Variants in CNTNAP2 observed in about 807,000 individuals in gnomAD.
The protein encoded by CNTNAP2 is contactin-associated protein-like 2.
In CNTNAP2, 98 loss-of-function variants were observed where a neutral mutation model predicts 155.2. That is an observed-to-expected ratio of 0.63 (90% CI 0.54 to 0.75). CNTNAP2 has a LOEUF of 0.75. CNTNAP2 is among the 30% of genes least tolerant of loss of function. The pLI is 0.00. For synonymous variants in CNTNAP2, 651 were observed against 631.2 expected (o/e 1.03, Z -0.47); for missense variants, 1,727 against 1,688.1 (o/e 1.02, Z -0.40).
chr7:147,248,409 A>C (rs898504748), intron 8 of CNTNAP2, among the ~76,000 whole-genome samples: 1 of 152,164 alleles, frequency 6.6e-6, no homozygotes, highest in Non-Finnish European at 1.5e-5. Flanking sequence ...TACACTTCGC[A>C]GTCTTGGTTG....
intron 8 of CNTNAP2, among the ~76,000 whole-genome samples, chr7:147,259,723 G>A (rs551248391): frequency 6.6e-6 from 1 of 152,204 alleles, no homozygotes; most frequent in Non-Finnish European, 1.5e-5. Context: ...CTCAAAGGTT[G>A]AGGCTGTTTT....
chr7:146,547,152 C>A (rs1442185829), intron 1 of CNTNAP2, among the ~76,000 whole-genome samples: 4 of 151,878 alleles, frequency 2.6e-5, no homozygotes, highest in Non-Finnish European at 4.4e-5. Context: ...ATTCTACTCC[C>A]AATGGCATCT....
chr7:146,131,058 A>G (rs979848686), intron 1 of CNTNAP2, among the ~76,000 whole-genome samples: 2 of 152,218 alleles, frequency 1.3e-5, no homozygotes, highest in African/African-American at 4.8e-5. Context: ...CTGACTTTAA[A>G]GAAAACGAAT....
At chr7:147,469,505 A>AGTTTTTTTTTTTTT in intron 10 of CNTNAP2, among the ~76,000 whole-genome samples, 1 of 80,724 alleles carries the variant, frequency 1.2e-5, no homozygotes, top group African/African-American at 5.1e-5. Context: ...GTCAGGCTGC[A>AGTTTTTTTTTTTTT]ATTTTTTTTT....
intron 14 of CNTNAP2, among the ~76,000 whole-genome samples, chr7:147,920,619 A>G (rs928578447): frequency 9.9e-5 from 15 of 152,116 alleles, no homozygotes; most frequent in African/African-American, 3.6e-4. Context: ...TTATACATCC[A>G]ATCATTCAGC....
At chr7:148,036,730 T>G (rs928316661) in intron 15 of CNTNAP2, among the ~76,000 whole-genome samples, 2 of 152,166 alleles carry the variant, frequency 1.3e-5, no homozygotes, top group African/African-American at 4.8e-5. Context: ...TCATATAATA[T>G]ATTAGCTGCA....
chr7:147,616,504 G>A (rs1305350505), intron 12 of CNTNAP2, among the ~76,000 whole-genome samples: 1 of 151,852 alleles, frequency 6.6e-6, no homozygotes. Context: ...TTGTATTCTG[G>A]CAAAATAATC....
chr7:148,338,662 C>T (rs1458412727), intron 21 of CNTNAP2, among the ~76,000 whole-genome samples: 1 of 152,168 alleles, frequency 6.6e-6, no homozygotes, highest in East Asian at 1.9e-4. Flanking sequence ...GCATTTTCTG[C>T]TCTTTCCTAT....
chr7:148,324,117 T>A (rs1797848537), intron 21 of CNTNAP2, among the ~76,000 whole-genome samples: 1 of 152,028 alleles, frequency 6.6e-6, no homozygotes, highest in African/African-American at 2.4e-5. Context: ...ACTCCTGACC[T>A]CAGGTGATCC....
chr7:148,366,884 G>T (rs1272474778), intron 21 of CNTNAP2, among the ~76,000 whole-genome samples: 2 of 151,948 alleles, frequency 1.3e-5, no homozygotes, highest in Non-Finnish European at 2.9e-5. Flanking sequence ...GCTACTTCCA[G>T]CTGTCTCCAT....
chr7:148,005,924 G>C (rs1474843327), intron 15 of CNTNAP2, among the ~76,000 whole-genome samples: 3 of 152,142 alleles, frequency 2.0e-5, no homozygotes, highest in African/African-American at 7.2e-5. Context: ...ATCCTGTAAG[G>C]TTTCTTTTCC....
At chr7:148,406,298 T>A (rs1323615165) in intron 22 of CNTNAP2, among the ~76,000 whole-genome samples, 1 of 151,576 alleles carries the variant, frequency 6.6e-6, no homozygotes. Flanking sequence ...AAAAAGGAGG[T>A]CAGGAAATTT....
chr7:148,079,293 A>G (rs1348529240), intron 15 of CNTNAP2, among the ~76,000 whole-genome samples: 2 of 152,222 alleles, frequency 1.3e-5, no homozygotes, highest in Non-Finnish European at 2.9e-5. Flanking sequence ...GAAAAGCAGG[A>G]CAACTGGAAG....
intron 1 of CNTNAP2, among the ~76,000 whole-genome samples, chr7:146,707,729 T>A (rs1800990627): frequency 6.6e-6 from 1 of 152,152 alleles, no homozygotes; most frequent in African/African-American, 2.4e-5. Flanking sequence ...TGTTAATAGG[T>A]TCCATGTTCA....
intron 8 of CNTNAP2, among the ~76,000 whole-genome samples, chr7:147,257,794 C>A (rs1269524115): frequency 6.6e-6 from 1 of 152,094 alleles, no homozygotes; most frequent in East Asian, 1.9e-4. Context: ...ACTATAGAAT[C>A]CAGGCTTCAT....
chr7:147,488,701 G>C (rs1798553417), intron 11 of CNTNAP2, among the ~76,000 whole-genome samples: 1 of 152,186 alleles, frequency 6.6e-6, no homozygotes. Flanking sequence ...TGAGTGACCT[G>C]TGATCATCCA....
intron 13 of CNTNAP2, among the ~76,000 whole-genome samples, chr7:147,780,790 C>T (rs1360564806): frequency 6.6e-6 from 1 of 152,142 alleles, no homozygotes; most frequent in East Asian, 1.9e-4. Flanking sequence ...GAAGTGGGGT[C>T]TGCTAGTAAT....
At chr7:146,638,104 T>A (rs887120905) in intron 1 of CNTNAP2, among the ~76,000 whole-genome samples, 1 of 152,176 alleles carries the variant, frequency 6.6e-6, no homozygotes, top group Non-Finnish European at 1.5e-5. Context: ...TGTTGGTTGC[T>A]TTTATTGAAT....
intron 10 of CNTNAP2, among the ~76,000 whole-genome samples, chr7:147,419,893 G>A (rs1479848): frequency 6.6e-6 from 1 of 152,158 alleles, no homozygotes; most frequent in Admixed American, 6.6e-5. Context: ...GGTGTCATTA[G>A]GTATTTCTTG....
Sources: allele counts gnomAD v4.1 joint callset (sites outside exome capture counted in the v4.1 genomes callset), GRCh38; gene constraint gnomAD v4.1.1; transcripts MANE v1.5; gene names NCBI Gene and HGNC (gene_info 2026-07-23, HGNC 2026-07-21).